DCC: variants seen among roughly 807,000 people sequenced by gnomAD.
The protein encoded by DCC is netrin receptor DCC.
In DCC, 58 loss-of-function variants were observed where a neutral mutation model predicts 172.5. The observed-to-expected ratio is 0.34, with a 90% CI of 0.27 to 0.42. The LOEUF (loss-of-function observed/expected upper bound fraction) is 0.42. Among genes scored for constraint, DCC ranks in the 10% least tolerant of loss-of-function variants. The pLI is 1.00. For missense variants in DCC, 1,740 were observed against 1,791.0 expected, an observed-to-expected ratio of 0.97 and a Z score of 0.51; for synonymous variants, 709 against 644.5, an observed-to-expected ratio of 1.10 and a Z score of -1.52.
chr18:53,135,465 C>G (rs1291302131), intron 7 of DCC, among the ~76,000 whole-genome samples: 3 of 152,140 alleles, frequency 2.0e-5, no homozygotes, highest in African/African-American at 7.2e-5. Context: ...TTGATTTTTA[C>G]ACTCCTTATC....
chr18:52,982,791 T>C (rs1037037247), intron 5 of DCC, among the ~76,000 whole-genome samples: 3 of 152,204 alleles, frequency 2.0e-5, no homozygotes, highest in African/African-American at 7.2e-5. Flanking sequence ...CCCTTCTTGA[T>C]GGTAGGATCA....
intron 2 of DCC, among the ~76,000 whole-genome samples, chr18:52,766,892 C>A (rs896871992): frequency 3.3e-5 from 5 of 152,018 alleles, no homozygotes; most frequent in Admixed American, 2.6e-4. Context: ...TGTTCCCTGT[C>A]CCCATCAATG....
intron 15 of DCC, among the ~76,000 whole-genome samples, chr18:53,355,881 A>G (rs1599059032): frequency 1.3e-5 from 2 of 152,006 alleles, no homozygotes; most frequent in African/African-American, 2.4e-5. Context: ...ATACAATTTT[A>G]TTTTTATATA....
intron 2 of DCC, among the ~76,000 whole-genome samples, chr18:52,904,197 G>T (rs1449050848): frequency 6.6e-6 from 1 of 152,144 alleles, no homozygotes; most frequent in Non-Finnish European, 1.5e-5. Context: ...TAAGGTTTTT[G>T]CATGGTATAG....
At chr18:52,492,484 A>C (rs928367004) in intron 1 of DCC, among the ~76,000 whole-genome samples, 1 of 151,914 alleles carries the variant, frequency 6.6e-6, no homozygotes, top group Non-Finnish European at 1.5e-5. Flanking sequence ...TGGTTTCTTC[A>C]TTGAGACAGG....
chr18:52,709,603 C>G (rs916866704), intron 1 of DCC, among the ~76,000 whole-genome samples: 1 of 152,150 alleles, frequency 6.6e-6, no homozygotes, highest in Non-Finnish European at 1.5e-5. Flanking sequence ...CTTTCAATCT[C>G]CCAACACCAG....
At chr18:53,169,205 G>A (rs1229745622) in intron 8 of DCC, among the ~76,000 whole-genome samples, 3 of 152,170 alleles carry the variant, frequency 2.0e-5, no homozygotes, top group African/African-American at 7.2e-5. Flanking sequence ...AGTAAAGCAG[G>A]AACATTATGG....
At chr18:52,965,191 A>T (rs2040909530) in intron 5 of DCC, 1 of 152,188 alleles carries the variant, frequency 6.6e-6, no homozygotes, top group South Asian at 2.1e-4. Flanking sequence ...GTCATTATTC[A>T]GGCTATCATA....
chr18:53,235,228 A>G (rs755595478), intron 12 of DCC, among the ~76,000 whole-genome samples: 2 of 152,174 alleles, frequency 1.3e-5, no homozygotes, highest in African/African-American at 4.8e-5. Flanking sequence ...ATGCCTGCCC[A>G]TCATGTCTTT....
chr18:52,989,170 G>C (rs1042674760), intron 5 of DCC, among the ~76,000 whole-genome samples: 4 of 151,944 alleles, frequency 2.6e-5, no homozygotes, highest in Non-Finnish European at 5.9e-5. Flanking sequence ...TCAGATTATA[G>C]TTTTTTAATC....
chr18:53,190,458 CTGTGTGTGTG>C (rs67103778), intron 9 of DCC, among the ~76,000 whole-genome samples: 7,020 of 146,320 alleles, frequency 0.048, 177 homozygotes, highest in South Asian at 0.064. Flanking sequence ...ACTGCTAACT[CTGTGTGTGTG>C]TGTGTGTGTG....
intron 1 of DCC, among the ~76,000 whole-genome samples, chr18:52,435,959 T>A (rs1168351703): frequency 6.6e-6 from 1 of 152,218 alleles, no homozygotes; most frequent in African/African-American, 2.4e-5. Context: ...AGATGACCCA[T>A]GGCAACCATC....
At chr18:53,295,409 A>T (rs1408121078) in intron 12 of DCC, among the ~76,000 whole-genome samples, 1 of 152,154 alleles carries the variant, frequency 6.6e-6, no homozygotes, top group East Asian at 1.9e-4. Flanking sequence ...TACATAGTTT[A>T]TAAAAAGACA....
intron 12 of DCC, among the ~76,000 whole-genome samples, chr18:53,291,588 T>C (rs1391482663): frequency 6.6e-6 from 1 of 152,210 alleles, no homozygotes; most frequent in African/African-American, 2.4e-5. Context: ...GGCCCTATTT[T>C]CTTGTGCCTT....
At chr18:52,682,022 A>G (rs918450855) in intron 1 of DCC, among the ~76,000 whole-genome samples, 1 of 152,170 alleles carries the variant, frequency 6.6e-6, no homozygotes, top group African/African-American at 2.4e-5. Context: ...ATCTGGTCAC[A>G]TAATTTGCAC....
chr18:52,937,080 G>C (rs1348290086), intron 5 of DCC, among the ~76,000 whole-genome samples: 5 of 152,070 alleles, frequency 3.3e-5, no homozygotes, highest in Non-Finnish European at 7.4e-5. Flanking sequence ...TTGGTAATTT[G>C]AGGAACTACC....
intron 9 of DCC, among the ~76,000 whole-genome samples, chr18:53,203,461 A>C (rs2055576768): frequency 6.6e-6 from 1 of 152,174 alleles, no homozygotes; most frequent in South Asian, 2.1e-4. Context: ...AAGAACAAGG[A>C]ATCTCAAGGT....
intron 2 of DCC, among the ~76,000 whole-genome samples, chr18:52,806,096 A>T (rs984203405): frequency 3.9e-5 from 6 of 152,202 alleles, no homozygotes; most frequent in Admixed American, 2.6e-4. Context: ...CCTCCATTAG[A>T]TAATACCGGC....
chr18:53,416,362 ATTG>A (rs1393882544), intron 21 of DCC: 3 of 696,298 alleles, frequency 4.3e-6, no homozygotes, highest in Non-Finnish European at 7.9e-6. Flanking sequence ...TTGAGAGGAA[ATTG>A]TTTTGTCTCC....
Sources: gnomAD v4.1 joint callset for allele counts (sites outside exome capture counted in the v4.1 genomes callset) on GRCh38, gnomAD v4.1.1 for gene constraint, MANE v1.5 for transcripts, NCBI Gene and HGNC (gene_info 2026-07-23, HGNC 2026-07-21) for gene names.